Variants in GPR158 observed in about 807,000 individuals in gnomAD.
GPR158 encodes the protein metabotropic glycine receptor.
Under a neutral mutation model 78.2 loss-of-function variants are expected in GPR158, and 30 were observed. That is an observed-to-expected ratio of 0.38 (90% CI 0.29 to 0.52). GPR158 has a LOEUF of 0.52. Among genes scored for constraint, GPR158 ranks in the 20% least tolerant of loss-of-function variants. The pLI is 0.83. For missense variants in GPR158, 1,463 were observed against 1,523.5 expected (o/e 0.96, Z 0.66); for synonymous variants, 581 against 591.1 (o/e 0.98, Z 0.25).
intron 5 of GPR158, among the ~76,000 whole-genome samples, chr10:25,493,413 G>A (rs1310928930): frequency 5.9e-5 from 9 of 152,178 alleles, no homozygotes; most frequent in Admixed American, 3.9e-4. Context: ...CTTAGAAGAA[G>A]ATAGGATGTT....
chr10:25,596,493 C>CTCTATCTATCTATCTATATATATATA, intron 9 of GPR158, 150 bp from the exon 10 acceptor site: 1 of 563,232 alleles, frequency 1.8e-6, no homozygotes, highest in Non-Finnish European at 3.1e-6. Flanking sequence ...GTCTCTCTCT[C>CTCTATCTATCTATCTATATATATATA]TCTATCTATC....
At chr10:25,351,001 T>C (rs1435131298) in intron 2 of GPR158, among the ~76,000 whole-genome samples, 3 of 151,948 alleles carry the variant, frequency 2.0e-5, no homozygotes, top group Non-Finnish European at 4.4e-5. Context: ...ATAATAAAAA[T>C]GCAACCAAAA....
At chr10:25,529,666 G>A (rs1836397388) in intron 5 of GPR158, among the ~76,000 whole-genome samples, 1 of 152,180 alleles carries the variant, frequency 6.6e-6, no homozygotes, top group African/African-American at 2.4e-5. Flanking sequence ...TGAGACACAT[G>A]AACACCCAAA....
chr10:25,314,647 GTT>G (rs540553636), intron 2 of GPR158, among the ~76,000 whole-genome samples: 1 of 139,014 alleles, frequency 7.2e-6, no homozygotes, highest in African/African-American at 2.6e-5. Flanking sequence ...ACTGACTGTT[GTT>G]TTTTTTTTAG....
chr10:25,260,745 ACTCAGG>A (rs1853958205), intron 2 of GPR158, among the ~76,000 whole-genome samples: 2 of 152,130 alleles, frequency 1.3e-5, no homozygotes, highest in African/African-American at 4.8e-5. Flanking sequence ...GCTGATTAAC[ACTCAGG>A]CTCTAGGTTA....
intron 5 of GPR158, among the ~76,000 whole-genome samples, chr10:25,507,676 A>G (rs924509107): frequency 2.0e-5 from 3 of 152,252 alleles, no homozygotes; most frequent in Non-Finnish European, 2.9e-5. Flanking sequence ...ACATTGCAAC[A>G]ATGATCTGAC....
intron 1 of GPR158, among the ~76,000 whole-genome samples, chr10:25,177,756 G>A (rs984790723): frequency 1.3e-5 from 2 of 152,218 alleles, no homozygotes; most frequent in Admixed American, 6.5e-5. Context: ...AGGCATAAAG[G>A]ATAATAAACC....
At chr10:25,177,217 A>T (rs1351911589) in intron 1 of GPR158, among the ~76,000 whole-genome samples, 1 of 152,252 alleles carries the variant, frequency 6.6e-6, no homozygotes, top group African/African-American at 2.4e-5. Context: ...TTGCAAATTA[A>T]CAGGTTTTAA....
At chr10:25,202,607 G>C (rs1852949244) in intron 1 of GPR158, among the ~76,000 whole-genome samples, 1 of 152,168 alleles carries the variant, frequency 6.6e-6, no homozygotes, top group South Asian at 2.1e-4. Flanking sequence ...TGGCTGCATA[G>C]TATTTCCTGG....
chr10:25,316,360 A>C (rs760068194), intron 2 of GPR158, among the ~76,000 whole-genome samples: 12 of 152,194 alleles, frequency 7.9e-5, no homozygotes, highest in Admixed American at 3.3e-4. Context: ...TACATATAAC[A>C]GTTCTATTTA....
intron 5 of GPR158, among the ~76,000 whole-genome samples, chr10:25,506,521 A>G (rs1159254235): frequency 2.6e-5 from 4 of 152,240 alleles, no homozygotes; most frequent in Admixed American, 2.6e-4. Flanking sequence ...AACAATAGGC[A>G]CTGTTAACCA....
At chr10:25,585,109 G>C (rs1406513522) in intron 7 of GPR158, among the ~76,000 whole-genome samples, 4 of 152,184 alleles carry the variant, frequency 2.6e-5, no homozygotes, top group African/African-American at 9.7e-5. Flanking sequence ...TACAAAGAAT[G>C]CTTCTACCTT....
At chr10:25,244,488 G>T (rs182933012) in intron 2 of GPR158, 27 of 152,288 alleles carry the variant, frequency 1.8e-4, no homozygotes, top group African/African-American at 6.0e-4. Flanking sequence ...AATGCAGAAG[G>T]TGACATCAAA....
intron 5 of GPR158, 84 bp from the exon 6 acceptor site, chr10:25,550,892 T>G: frequency 2.6e-6 from 2 of 761,014 alleles, no homozygotes; most frequent in Non-Finnish European, 4.8e-6. Flanking sequence ...TTCATATGTA[T>G]GAAACATCAG....
chr10:25,246,367 T>C (rs1035654374), intron 2 of GPR158, among the ~76,000 whole-genome samples: 2 of 152,216 alleles, frequency 1.3e-5, no homozygotes, highest in African/African-American at 4.8e-5. Context: ...TAATAAATCA[T>C]CACTGTTTCT....
In GPR158 at chr10:25,499,130, C is replaced by A. The variant is rs143999547; in HGVS notation, c.1404+32411C>A. Among the ~76,000 whole-genome samples the A allele has an allele frequency of 5.3e-5, 8 of 152,190 alleles. No homozygotes were observed. In the East Asian group the frequency reaches 1.5e-3, roughly 29 times the overall value. ...GTCATAGCAGCAAGCTGATAAAAGT[C>A]GATATATTTCATTTATTTTCTTTAT... On this transcript the variant is annotated intron_variant, in intron 5 of 10. Coordinates refer to ENST00000376351, the MANE Select transcript of GPR158 (RefSeq NM_020752.3).
At chr10:25,262,886 G>C (rs903570134) in intron 2 of GPR158, among the ~76,000 whole-genome samples, 3 of 152,158 alleles carry the variant, frequency 2.0e-5, no homozygotes, top group African/African-American at 7.2e-5. Flanking sequence ...TGCCTATTTT[G>C]AAATTGGGTT....
chr10:25,252,739 A>T (rs1050515600), intron 2 of GPR158, among the ~76,000 whole-genome samples: 14 of 152,186 alleles, frequency 9.2e-5, no homozygotes, highest in Non-Finnish European at 1.6e-4. Flanking sequence ...GGGACATTTA[A>T]GTCTGCAGAG....
chr10:25,576,327 A>C (rs1456271785), intron 7 of GPR158, among the ~76,000 whole-genome samples: 1 of 152,142 alleles, frequency 6.6e-6, no homozygotes, highest in Non-Finnish European at 1.5e-5. Context: ...AATTATGAAG[A>C]ACTCCTTTCT....
Sources: allele counts gnomAD v4.1 joint callset (sites outside exome capture counted in the v4.1 genomes callset), GRCh38; gene constraint gnomAD v4.1.1; transcripts MANE v1.5; gene names NCBI Gene and HGNC (gene_info 2026-07-23, HGNC 2026-07-21).